The following NPFFR2 variants were observed in gnomAD, a reference collection of about 807,000 sequenced individuals.
The protein encoded by NPFFR2 is G-protein coupled receptor 74.
In NPFFR2, 15 loss-of-function variants were observed where a neutral mutation model predicts 13.1. The observed-to-expected ratio is 1.15, with a 90% confidence interval of 0.77 to 1.76. The LOEUF (loss-of-function observed/expected upper bound fraction) is 1.76, where lower values mean the gene tolerates loss of function less well. NPFFR2 is among the 40% of genes most tolerant of loss of function. The pLI is 0.00. For missense variants in NPFFR2, 572 were observed against 503.5 expected (o/e 1.14, Z -1.30); for synonymous variants, 190 against 175.7 (o/e 1.08, Z -0.65).
intron 1 of NPFFR2, among the ~76,000 whole-genome samples, chr4:72,056,080 C>T (rs1283783604): frequency 6.6e-6 from 1 of 151,974 alleles, no homozygotes; most frequent in Non-Finnish European, 1.5e-5. Context: ...AAAGTGGCTA[C>T]ACTAAGTAAT....
chr4:72,113,401 AC>A (rs1721620881), intron 1 of NPFFR2, among the ~76,000 whole-genome samples: 3 of 152,010 alleles, frequency 2.0e-5, no homozygotes, highest in Admixed American at 2.0e-4. Context: ...TCTTCCAGCC[AC>A]CCTTCATCAA....
At chr4:72,061,197 A>C (rs1377139253) in intron 1 of NPFFR2, among the ~76,000 whole-genome samples, 2 of 152,156 alleles carry the variant, frequency 1.3e-5, no homozygotes, top group East Asian at 3.9e-4. Flanking sequence ...GGCTAGTGAA[A>C]CACTTTCTAT....
At chr4:72,055,869 AG>A (rs1719729789) in intron 1 of NPFFR2, among the ~76,000 whole-genome samples, 2 of 152,040 alleles carry the variant, frequency 1.3e-5, no homozygotes, top group African/African-American at 4.8e-5. Flanking sequence ...ATCCAGAGCA[AG>A]GCCCTAACTC....
chr4:72,061,779 G>C (rs1288045507), intron 1 of NPFFR2, among the ~76,000 whole-genome samples: 1 of 151,986 alleles, frequency 6.6e-6, no homozygotes, highest in Non-Finnish European at 1.5e-5. Flanking sequence ...ACTGGGGCCT[G>C]TTGCGGGGTG....
chr4:72,057,000 C>A (rs190666641), intron 1 of NPFFR2, among the ~76,000 whole-genome samples: 116 of 151,806 alleles, frequency 7.6e-4, no homozygotes, highest in Non-Finnish European at 6.8e-4. Flanking sequence ...GAAATGGCAA[C>A]AAAGGATTTG....
chr4:72,098,812 T>TACA (rs1193807592), intron 1 of NPFFR2, among the ~76,000 whole-genome samples: 1 of 152,134 alleles, frequency 6.6e-6, no homozygotes, highest in Non-Finnish European at 1.5e-5. Flanking sequence ...AATGGGCAAT[T>TACA]ACAATATACC....
At chr4:72,074,476 A>G (rs761474719) in intron 1 of NPFFR2, among the ~76,000 whole-genome samples, 25 of 152,014 alleles carry the variant, frequency 1.6e-4, no homozygotes, top group Non-Finnish European at 3.1e-4. Context: ...ATTTTTGTTA[A>G]TCTCTTTCTG....
At chr4:72,134,780 T>G (rs1368283292) in intron 2 of NPFFR2, among the ~76,000 whole-genome samples, 1 of 152,074 alleles carries the variant, frequency 6.6e-6, no homozygotes, top group Admixed American at 6.5e-5. Flanking sequence ...CGTTTCCCGG[T>G]GTTTTCTGTT....
At chr4:72,081,488 ATTGTTT>A (rs1486738874) in intron 1 of NPFFR2, among the ~76,000 whole-genome samples, 1 of 81,160 alleles carries the variant, frequency 1.2e-5, no homozygotes, top group African/African-American at 3.6e-5. Flanking sequence ...TGATTTAAGA[ATTGTTT>A]TTTTTTTTTT....
At chr4:72,138,630 T>C (rs1348169438) in intron 3 of NPFFR2, among the ~76,000 whole-genome samples, 2 of 152,210 alleles carry the variant, frequency 1.3e-5, no homozygotes, top group African/African-American at 4.8e-5. Flanking sequence ...ATGGTGTATA[T>C]GTGCCACAAT....
At chr4:72,136,557 C>T (rs1474779763) in intron 2 of NPFFR2, among the ~76,000 whole-genome samples, 1 of 152,078 alleles carries the variant, frequency 6.6e-6, no homozygotes, top group Non-Finnish European at 1.5e-5. Flanking sequence ...TGGGAAATTC[C>T]CAACTGTAAA....
intron 3 of NPFFR2, among the ~76,000 whole-genome samples, chr4:72,141,346 G>C (rs1349691287): frequency 2.0e-5 from 3 of 152,112 alleles, no homozygotes; most frequent in Admixed American, 6.5e-5. Flanking sequence ...TTTTAATTGT[G>C]ATGTTAGGGT....
intron 3 of NPFFR2, chr4:72,146,388 T>G (rs10002015): frequency 6.6e-6 from 1 of 152,146 alleles, no homozygotes; most frequent in Non-Finnish European, 1.5e-5. Flanking sequence ...CATGCAAGTG[T>G]ATAAAAAGCT....
chr4:72,123,929 G>A (rs1050356243), intron 1 of NPFFR2, among the ~76,000 whole-genome samples: 1 of 152,184 alleles, frequency 6.6e-6, no homozygotes, highest in African/African-American at 2.4e-5. Context: ...TCAGGCAACA[G>A]AAAGCAATAA....
chr4:72,086,957 T>G (rs2109798114), intron 1 of NPFFR2, among the ~76,000 whole-genome samples: 1 of 152,238 alleles, frequency 6.6e-6, no homozygotes, highest in African/African-American at 2.4e-5. Flanking sequence ...TTAGTAAGTA[T>G]TTTGTCAAGT....
At chr4:72,104,299 T>C (rs956068973) in intron 1 of NPFFR2, among the ~76,000 whole-genome samples, 1 of 152,104 alleles carries the variant, frequency 6.6e-6, no homozygotes, top group Non-Finnish European at 1.5e-5. Context: ...CCTGTTATTT[T>C]TGGCATTTAT....
chr4:72,128,787 G>A lies in NPFFR2; in HGVS notation c.196G>A (p.Val66Ile), dbSNP rs1429474870. Reference sequence around the variant, plus strand: ...TTTGTGCATGATGGGAAATACTGTGGTTTGCTTTATTGTAATGAGGAACAA... The same window carrying A: ...TTTGTGCATGATGGGAAATACTGTGATTTGCTTTATTGTAATGAGGAACAA... ...FFLCMMGNTV[V>I]CFIVMRNKHM... Residue 66 changes from valine to isoleucine, a missense_variant, in exon 2 of 4, where the codon GTT becomes ATT. By Grantham distance (29) the Val-to-Ile change is conservative. Transcript: ENST00000308744. The A allele has an allele frequency of 5.6e-6, 9 of 1,614,032 alleles. 2 individuals are homozygous for A. In the South Asian group the frequency reaches 9.9e-5, roughly 18 times the overall value.
intron 1 of NPFFR2, among the ~76,000 whole-genome samples, chr4:72,062,683 C>T (rs900299312): frequency 1.1e-4 from 16 of 152,196 alleles, no homozygotes; most frequent in African/African-American, 3.1e-4. Flanking sequence ...TGTAATGGTA[C>T]TCCAGGTTGA....
chr4:72,075,506 C>A (rs1464608986), intron 1 of NPFFR2, among the ~76,000 whole-genome samples: 1 of 152,098 alleles, frequency 6.6e-6, no homozygotes, highest in African/African-American at 2.4e-5. Context: ...ATGCCCTACT[C>A]TCAATAATGG....
Sources: gnomAD v4.1 joint callset for allele counts (sites outside exome capture counted in the v4.1 genomes callset) on GRCh38, gnomAD v4.1.1 for gene constraint, MANE v1.5 for transcripts, NCBI Gene and HGNC (gene_info 2026-07-23, HGNC 2026-07-21) for gene names.